SGSM3: variants seen among roughly 807,000 people sequenced by gnomAD.
SGSM3 encodes small G protein signaling modulator 3.
Under a neutral mutation model 100.5 loss-of-function variants are expected in SGSM3, and 96 were observed. The observed-to-expected ratio is 0.96, with a 90% CI of 0.81 to 1.13. The LOEUF is 1.13. Among genes scored for constraint, SGSM3 ranks in the 50% most tolerant of loss-of-function variants. The probability of loss-of-function intolerance (pLI) is 0.00; values close to 1 mark genes in which losing one functional copy is unlikely to be tolerated. For missense variants in SGSM3, 1,001 were observed against 1,015.8 expected (o/e 0.99, Z 0.20); for synonymous variants, 483 against 422.8 (o/e 1.14, Z -1.75).
chr22:40,403,883 C>T (rs981629174), intron 4 of SGSM3, among the ~76,000 whole-genome samples: 3 of 151,984 alleles, frequency 2.0e-5, no homozygotes, highest in South Asian at 2.1e-4. Context: ...GGTGGTGAGA[C>T]GTAAAGGAAT....
chr22:40,403,051 G>C (rs1345244660), intron 4 of SGSM3, among the ~76,000 whole-genome samples: 1 of 152,242 alleles, frequency 6.6e-6, no homozygotes, highest in African/African-American at 2.4e-5. Flanking sequence ...GGTTGAGAAG[G>C]ACACAGGGAA....
Position 40,408,214 on chromosome 22 carries a change from C to T in SGSM3, c.1630-63C>T, listed in dbSNP as rs1463151986. The T allele has an allele frequency of 2.5e-6, 4 of 1,607,040 alleles. No individual in the cohort carries two copies. The African/African-American group carries it at 4.0e-5, about 16-fold the overall frequency. ...CTGGCCTGTAGCATGGCAGAGAGGA[C>T]AGAGGAGGGTGACTGGCTGCAGGCG... On this transcript the variant is annotated intron_variant, in intron 15 of 21. Transcript: ENST00000248929.
At chr22:40,405,369 G>A in intron 7 of SGSM3, 85 bp downstream of exon 7, 1 of 1,284,682 alleles carries the variant, frequency 7.8e-7, no homozygotes, top group Non-Finnish European at 1.0e-6. Context: ...CTACGGGGCA[G>A]TAGCCCCAGG....
intron 1 of SGSM3, among the ~76,000 whole-genome samples, chr22:40,376,791 T>A (rs1349202234): frequency 1.3e-5 from 2 of 152,190 alleles, no homozygotes; most frequent in Non-Finnish European, 2.9e-5. Context: ...TTGTTTTTTT[T>A]AATTTAGCAT....
Position 40,408,979 on chromosome 22 carries a change from T to C in SGSM3, c.1949T>C (p.Met650Thr), listed in dbSNP as rs2052125419. ...NVTHDAVHAQ[M>T]DVKLRSLICV... ...ACCCACGATGCAGTGCATGCACAAA[T>C]GGATGTGAAGCTCCGCTCACTGATC... is the stretch of plus-strand genomic sequence containing the variant. The change falls in exon 19 of 22, where the codon ATG becomes ACG. Residue 650 changes from methionine to threonine, a missense_variant. Met to Thr is a moderately conservative substitution (Grantham distance 81). Coordinates refer to ENST00000248929, the MANE Select transcript of SGSM3 (RefSeq NM_015705.6). 1 of 1,593,040 alleles carries C rather than the reference T, an allele frequency of 6.3e-7. No individual in the cohort carries two copies. The highest frequency in any genetic ancestry group is 8.5e-7 in the Non-Finnish European group (1 of 1,169,704).
chr22:40,382,775 T>A (rs1404148164), intron 1 of SGSM3, among the ~76,000 whole-genome samples: 1 of 152,172 alleles, frequency 6.6e-6, no homozygotes, highest in Non-Finnish European at 1.5e-5. Context: ...GAAAATAGGA[T>A]CTCCATGCCA....
intron 21 of SGSM3, 69 bp from the exon 22 acceptor site, chr22:40,409,613 G>C (rs1569234918): frequency 1.2e-6 from 2 of 1,613,516 alleles, no homozygotes; most frequent in Admixed American, 3.3e-5. Flanking sequence ...CGAAGTGCTG[G>C]TGTCAGCGGT....
At chr22:40,380,998 C>T (rs2047472238) in intron 1 of SGSM3, among the ~76,000 whole-genome samples, 1 of 151,980 alleles carries the variant, frequency 6.6e-6, no homozygotes, top group Admixed American at 6.6e-5. Flanking sequence ...ATTGTATTTT[C>T]CCCCATTGAT....
At chr22:40,375,111 CTG>C (rs2046332513) in intron 1 of SGSM3, among the ~76,000 whole-genome samples, 1 of 152,194 alleles carries the variant, frequency 6.6e-6, no homozygotes, top group African/African-American at 2.4e-5. Context: ...TAACTATTAA[CTG>C]TCTCTTCTAA....
At chr22:40,392,500 A>C (rs2049492692) in intron 1 of SGSM3, among the ~76,000 whole-genome samples, 1 of 152,132 alleles carries the variant, frequency 6.6e-6, no homozygotes, top group Non-Finnish European at 1.5e-5. Flanking sequence ...ATTAAATCTC[A>C]GCAGAGGTGG....
chr22:40,405,083 C>T (rs966813930), intron 6 of SGSM3, 58 bp from the exon 7 acceptor site: 1 of 1,455,300 alleles, frequency 6.9e-7, no homozygotes, highest in Non-Finnish European at 9.1e-7. Context: ...TGGGGTCTGC[C>T]TCCCTCCCAG....
intron 1 of SGSM3, among the ~76,000 whole-genome samples, chr22:40,375,857 G>C (rs1375406504): frequency 6.6e-6 from 1 of 151,978 alleles, no homozygotes; most frequent in Non-Finnish European, 1.5e-5. Context: ...GGGCAACATG[G>C]TGAGACCCTG....
intron 1 of SGSM3, among the ~76,000 whole-genome samples, chr22:40,384,393 C>G (rs928161718): frequency 1.3e-5 from 2 of 152,094 alleles, no homozygotes; most frequent in Admixed American, 6.6e-5. Flanking sequence ...GATTTTAAGC[C>G]AGGCACAGTG....
rs772674269 is a variant in SGSM3 at position 40,404,625 on chromosome 22, G to A, written c.435G>A (p.Val145=). 4 of 1,613,456 alleles carry A rather than the reference G, an allele frequency of 2.5e-6. No individual in the cohort carries two copies. Among genetic ancestry groups the A allele is most frequent in the South Asian group, 2.2e-5 (2 of 91,012 alleles). Residue 145 remains valine, a synonymous_variant, in exon 6 of 22, where the codon GTG becomes GTA. Transcript: ENST00000248929. The part of the protein sequence containing the change: ...RNSELSYREI[V]KNSSNDETIA... ...CTGAGCTGTCCTACCGCGAGATTGT[G>A]AAGAACAGCTCCAACGATGAGACCA... is the stretch of plus-strand genomic sequence containing the variant.
chr22:40,398,870 T>A, intron 1 of SGSM3, among the ~76,000 whole-genome samples: 1 of 140,908 alleles, frequency 7.1e-6, no homozygotes, highest in East Asian at 2.1e-4. Flanking sequence ...ATTATTCCAT[T>A]CTATCGAAAA....
chr22:40,407,332 A>G lies in SGSM3; in HGVS notation c.1368+4A>G, dbSNP rs891918458. 11 of 1,613,314 alleles carry G rather than the reference A, an allele frequency of 6.8e-6. No individual in the cohort carries two copies. Among genetic ancestry groups the G allele is most frequent in the Non-Finnish European group, 9.3e-6 (11 of 1,179,938 alleles). On this transcript the variant is annotated splice_donor_region_variant and intron_variant, in intron 12 of 21. Coordinates refer to ENST00000248929, the MANE Select transcript of SGSM3 (RefSeq NM_015705.6). This position sits in a 1 kb window ranked among gnomAD's most constrained non-coding sequence, Gnocchi z 4.7. ...AGACCCCAAAAACTGCAGCGTGGTG[A>G]GTCGCCAGCTCCCTGGGCTGCTACC...
chr22:40,408,511 C>T (rs2052004373), intron 16 of SGSM3, 82 bp downstream of exon 16: 1 of 1,586,530 alleles, frequency 6.3e-7, no homozygotes, highest in Non-Finnish European at 8.6e-7. Flanking sequence ...GTCCTTCCTG[C>T]CCCACAGAGA....
rs751990581 is a variant in SGSM3, at chr22:40,407,153, G to C, written c.1241-48G>C. ...CATGTGGACGTGGAGCTTCCTCCTC[G>C]GGGGCCTGGAGTGGGCTGTGGTCAC... On this transcript the variant is annotated intron_variant, in intron 11 of 21. Coordinates refer to ENST00000248929, the MANE Select transcript of SGSM3 (RefSeq NM_015705.6). The surrounding 1 kb of genome is among the most constrained non-coding windows in gnomAD (Gnocchi z 4.7). 271 of 1,612,276 alleles carry C rather than the reference G, an allele frequency of 1.7e-4. No individual in the cohort carries two copies. The highest frequency in any genetic ancestry group is 2.1e-4 in the Non-Finnish European group (243 of 1,179,126).
intron 1 of SGSM3, among the ~76,000 whole-genome samples, chr22:40,383,392 G>C (rs1223129904): frequency 6.6e-6 from 1 of 151,732 alleles, no homozygotes; most frequent in Non-Finnish European, 1.5e-5. Context: ...GCGTGAACCT[G>C]GGAGGTGGAG....
Sources: allele counts gnomAD v4.1 joint callset (sites outside exome capture counted in the v4.1 genomes callset), GRCh38; gene constraint gnomAD v4.1.1; non-coding constraint Gnocchi (gnomAD v3.1); transcripts MANE v1.5; gene names NCBI Gene and HGNC (gene_info 2026-07-23, HGNC 2026-07-21).